Variants in DOCK2 observed in about 807,000 individuals in gnomAD.
The protein encoded by DOCK2 is dedicator of cytokinesis protein 2.
In DOCK2, 87 loss-of-function variants were observed where a neutral mutation model predicts 248.9. That is an observed-to-expected ratio of 0.35 (90% CI 0.29 to 0.42). DOCK2 has a LOEUF of 0.42. Ranked by LOEUF, DOCK2 falls within the 10% of genes least tolerant of loss-of-function variation. The probability of loss-of-function intolerance (pLI) is 1.00; values close to 1 mark genes in which losing one functional copy is unlikely to be tolerated. For missense variants in DOCK2, 1,747 were observed against 2,300.2 expected, an observed-to-expected ratio of 0.76 and a Z score of 4.92; for synonymous variants, 805 against 821.6, an observed-to-expected ratio of 0.98 and a Z score of 0.35.
chr5:169,658,806 A>T (rs1269531622), intron 2 of DOCK2, among the ~76,000 whole-genome samples: 1 of 151,712 alleles, frequency 6.6e-6, no homozygotes, highest in Non-Finnish European at 1.5e-5. Context: ...GCTACCTGGG[A>T]GGCTGAGGCA....
chr5:169,821,820 T>A (rs1419408335), intron 26 of DOCK2, among the ~76,000 whole-genome samples: 1 of 152,184 alleles, frequency 6.6e-6, no homozygotes, highest in Non-Finnish European at 1.5e-5. Context: ...AGACACAGAC[T>A]GGCAAATTGG....
chr5:170,040,201 G>A (rs1024552653), intron 36 of DOCK2, among the ~76,000 whole-genome samples: 1 of 152,188 alleles, frequency 6.6e-6, no homozygotes, highest in Non-Finnish European at 1.5e-5. Flanking sequence ...TGTGAATGTT[G>A]CCATTTTACA....
chr5:169,772,191 A>C (rs1362047708), intron 25 of DOCK2, among the ~76,000 whole-genome samples: 1 of 152,192 alleles, frequency 6.6e-6, no homozygotes, highest in Non-Finnish European at 1.5e-5. Context: ...GAGCTGAAGG[A>C]TTAGGAAAAA....
chr5:169,867,257 T>TA (rs1337604654), intron 27 of DOCK2, among the ~76,000 whole-genome samples: 1 of 152,172 alleles, frequency 6.6e-6, no homozygotes, highest in African/African-American at 2.4e-5. Context: ...ATTCCGGCCT[T>TA]AGGCAGGTGA....
intron 27 of DOCK2, among the ~76,000 whole-genome samples, chr5:169,922,870 T>G (rs1259140052): frequency 6.6e-6 from 1 of 152,206 alleles, no homozygotes. Context: ...AGCTTGAAAT[T>G]TGTATGTTGA....
intron 50 of DOCK2, 160 bp downstream of exon 50, chr5:170,080,443 C>A: frequency 9.3e-7 from 1 of 1,079,748 alleles, no homozygotes; most frequent in Non-Finnish European, 1.3e-6. Flanking sequence ...TAATCTCTCC[C>A]CACACCCACC....
intron 36 of DOCK2, among the ~76,000 whole-genome samples, chr5:170,036,759 G>A (rs772339336): frequency 5.3e-5 from 8 of 152,226 alleles, no homozygotes; most frequent in African/African-American, 1.9e-4. Flanking sequence ...ACGTGAAATC[G>A]TCTGGCCTTC....
chr5:169,764,877 A>T lies in DOCK2; in HGVS notation c.2554+3252A>T, dbSNP rs201063914. ...TGTTGTTGTTGTTGTTGTTGTTTTC[A>T]ATTTTTATTGCCCTAGAATGTTTTT... On this transcript the variant is annotated intron_variant, in intron 25 of 51. Coordinates refer to ENST00000520908, the MANE Select transcript of DOCK2 (RefSeq NM_004946.3). The surrounding 1 kb of genome is among the most constrained non-coding windows in gnomAD (Gnocchi z 4.3). Among the ~76,000 whole-genome samples, 1 of 127,704 alleles carries T rather than the reference A, an allele frequency of 7.8e-6. No individual in the cohort carries two copies. The highest frequency in any genetic ancestry group is 1.6e-5 in the Non-Finnish European group (1 of 61,972). 83.8% of individuals were successfully genotyped at this position (127,704 alleles called of 152,430 possible).
chr5:169,660,325 T>C (rs574054762), intron 2 of DOCK2, among the ~76,000 whole-genome samples: 38 of 152,196 alleles, frequency 2.5e-4, no homozygotes, highest in Non-Finnish European at 3.7e-4. Flanking sequence ...CAGAGTGAGA[T>C]CTTCTCTCTA....
intron 22 of DOCK2, among the ~76,000 whole-genome samples, chr5:169,745,941 G>T (rs1199385623): frequency 6.6e-6 from 1 of 152,098 alleles, no homozygotes; most frequent in African/African-American, 2.4e-5. Context: ...ACTAGGGAGA[G>T]GAAGAGAATG....
At chr5:169,783,475 A>C (rs1028219517) in intron 25 of DOCK2, among the ~76,000 whole-genome samples, 1 of 152,226 alleles carries the variant, frequency 6.6e-6, no homozygotes, top group South Asian at 2.1e-4. Context: ...TTAAATGTGA[A>C]TATTAAATAA....
intron 12 of DOCK2, 106 bp downstream of exon 12, chr5:169,699,564 T>G: frequency 9.1e-7 from 1 of 1,098,580 alleles, no homozygotes; most frequent in East Asian, 2.5e-5. Flanking sequence ...TAGCTTTCCT[T>G]CCAGACAGAC....
chr5:170,050,861 A>G lies in DOCK2; in HGVS notation c.4213+464A>G, dbSNP rs183599695. Among the ~76,000 whole-genome samples the G allele has an allele frequency of 1.7e-3, 263 of 152,314 alleles. 1 individual carries two copies. The highest frequency in any genetic ancestry group is 5.8e-3 in the Admixed American group (89 of 15,302). ...TTCACTCACTCACTAATTCATTCTTATATTGAATACTCTCAAGCCCTGACT... is the reference window on the plus strand; with the variant it reads ...TTCACTCACTCACTAATTCATTCTTGTATTGAATACTCTCAAGCCCTGACT... On this transcript the variant is annotated intron_variant, in intron 41 of 51. Coordinates refer to ENST00000520908, the MANE Select transcript of DOCK2 (RefSeq NM_004946.3).
intron 2 of DOCK2, among the ~76,000 whole-genome samples, chr5:169,665,510 T>G (rs1332230253): frequency 6.6e-6 from 1 of 152,096 alleles, no homozygotes; most frequent in African/African-American, 2.4e-5. Context: ...CAGACATTTG[T>G]TTTTAAGAAA....
At chr5:169,930,575 C>T (rs1270276202) in intron 27 of DOCK2, among the ~76,000 whole-genome samples, 3 of 152,116 alleles carry the variant, frequency 2.0e-5, no homozygotes, top group Admixed American at 6.5e-5. Flanking sequence ...ATAAGAAAGT[C>T]CTTTAAAAAT....
At chr5:170,024,101 C>A (rs1484621290) in intron 33 of DOCK2, among the ~76,000 whole-genome samples, 2 of 152,206 alleles carry the variant, frequency 1.3e-5, no homozygotes, top group Non-Finnish European at 2.9e-5. Context: ...TCGATTAGAG[C>A]TTCTCAAGAT....
At chr5:169,942,637 T>C (rs1333377203) in intron 27 of DOCK2, among the ~76,000 whole-genome samples, 1 of 152,204 alleles carries the variant, frequency 6.6e-6, no homozygotes, top group African/African-American at 2.4e-5. Context: ...GCAGCTCTTA[T>C]GAGTTGAGGA....
chr5:170,050,253 C>T lies in DOCK2; in HGVS notation c.4072-3C>T. 2 of 1,613,574 alleles carry T rather than the reference C, an allele frequency of 1.2e-6. No individual in the cohort carries two copies. The highest frequency in any genetic ancestry group is 1.7e-6 in the Non-Finnish European group (2 of 1,179,650). Reference sequence around the variant, plus strand: ...ATCTCTAATGAGCATCCTTTCTCTGCAGAACAAAGTGTTCATCTACCGCGG... The same window carrying T: ...ATCTCTAATGAGCATCCTTTCTCTGTAGAACAAAGTGTTCATCTACCGCGG... On this transcript the variant is annotated splice_polypyrimidine_tract_variant and splice_region_variant and intron_variant, in intron 40 of 51. Coordinates refer to ENST00000520908, the MANE Select transcript of DOCK2 (RefSeq NM_004946.3).
chr5:169,972,594 A>AGATAGAT (rs1777559059), intron 27 of DOCK2, among the ~76,000 whole-genome samples: 1 of 80,192 alleles, frequency 1.2e-5, no homozygotes, highest in Non-Finnish European at 3.0e-5. Flanking sequence ...GATGATAGAT[A>AGATAGAT]GATAGATAGA....
Sources: gnomAD v4.1 joint callset for allele counts (sites outside exome capture counted in the v4.1 genomes callset) on GRCh38, gnomAD v4.1.1 for gene constraint, Gnocchi (gnomAD v3.1) non-coding constraint, MANE v1.5 for transcripts, NCBI Gene and HGNC (gene_info 2026-07-23, HGNC 2026-07-21) for gene names.